ORC3: variants seen among roughly 807,000 people sequenced by gnomAD.
The protein encoded by ORC3 is origin recognition complex subunit 3.
In ORC3, 78 loss-of-function variants were observed where a neutral mutation model predicts 100.7. That is an observed-to-expected ratio of 0.77 (90% confidence interval 0.65 to 0.94). ORC3 has a LOEUF of 0.94. Ranked by LOEUF, ORC3 falls within the 40% of genes least tolerant of loss-of-function variation. ORC3 has a pLI of 0.00. For missense variants in ORC3, 789 were observed against 823.9 expected (o/e 0.96, Z 0.52); for synonymous variants, 295 against 289.3 (o/e 1.02, Z -0.20).
intron 13 of ORC3, among the ~76,000 whole-genome samples, chr6:87,643,427 CG>C (rs892244525): frequency 3.4e-4 from 49 of 144,324 alleles, no homozygotes; most frequent in African/African-American, 1.1e-3. Flanking sequence ...AAAAAAAAAG[CG>C]GGGAGGGGGA....
In ORC3 at chr6:87,665,818, T is replaced by C; in HGVS notation, c.2015T>C (p.Met672Thr). 1.2e-6 allele frequency: 2 copies of C among 1,605,268 alleles called. No individual in the cohort carries two copies. The highest frequency in any genetic ancestry group is 1.3e-5 in the African/African-American group (1 of 74,882). Residue 672 changes from methionine (M) to threonine (T), a missense_variant, in exon 19 of 20, where the codon ATG (methionine) becomes ACG (threonine). This residue lies in a region of ORC3 where 366 missense variants were observed against 394.2 expected (regional missense o/e 0.93). Transcript: ENST00000392844. ...GCAAATTCTGCAACCTCAGAAGAAA[T>C]GAATGAAATTATCCAGTATCCTTTT... Reference protein sequence around the residue: ...MDANSATSEEMNEIIHARFIR... With the variant: ...MDANSATSEETNEIIHARFIR...
At chr6:87,646,529 C>T (rs940579001) in intron 13 of ORC3, among the ~76,000 whole-genome samples, 2 of 152,196 alleles carry the variant, frequency 1.3e-5, no homozygotes, top group African/African-American at 4.8e-5. Context: ...CTCCCATTCT[C>T]TTTAACTGAT....
intron 2 of ORC3, among the ~76,000 whole-genome samples, chr6:87,599,665 T>G (rs768063963): frequency 4.0e-4 from 61 of 151,772 alleles, no homozygotes; most frequent in Non-Finnish European, 6.6e-4. Context: ...CACGCTGGCC[T>G]GCTTTGTCTC....
At chr6:87,636,333 C>A in intron 12 of ORC3, 74 bp from the exon 13 acceptor site, 1 of 819,396 alleles carries the variant, frequency 1.2e-6, no homozygotes, top group Non-Finnish European at 2.1e-6. Flanking sequence ...TTTGTGTTGA[C>A]CAGAAATGAT....
At chr6:87,668,653 A>C (rs1770766827), downstream of ORC3, among the ~76,000 whole-genome samples, 2 of 151,994 alleles carry the variant, frequency 1.3e-5, no homozygotes, top group African/African-American at 4.8e-5. Flanking sequence ...GTAGCTGCTC[A>C]CCCTCCCCAC....
chr6:87,622,090 G>C, intron 11 of ORC3, 77 bp downstream of exon 11: 2 of 934,470 alleles, frequency 2.1e-6, no homozygotes, highest in Non-Finnish European at 3.4e-6. Flanking sequence ...CATTTATTGA[G>C]TTAATAAAAC....
chr6:87,615,969 A>C (rs567025283), intron 8 of ORC3, among the ~76,000 whole-genome samples: 1 of 152,276 alleles, frequency 6.6e-6, no homozygotes, highest in African/African-American at 2.4e-5. Flanking sequence ...CTCATCTGGT[A>C]ATAAGAATTG....
chr6:87,653,219 G>A lies in ORC3; in HGVS notation c.1486G>A (p.Glu496Lys). The change falls in exon 14 of 20, where the codon GAG (glutamate) becomes AAG (lysine). Residue 496 changes from glutamate (E) to lysine (K), a missense_variant. Transcript: ENST00000392844. Reference sequence around the variant, plus strand: ...TGGCAGCACAGCTAAGAGAATAGAGGAGTTCCTGGCCCAGTTTCAGAGCCT... The same window carrying A: ...TGGCAGCACAGCTAAGAGAATAGAGAAGTTCCTGGCCCAGTTTCAGAGCCT... ...HLGSTAKRIE[E>K]FLAQFQSLDE... 6.2e-7 allele frequency: 1 copy of A among 1,613,872 alleles called. No individual in the cohort carries two copies. The highest frequency in any genetic ancestry group is 8.5e-7 in the Non-Finnish European group (1 of 1,179,858).
the ORC3 span, among the ~76,000 whole-genome samples, chr6:87,676,596 AACACACACACACACAC>A: frequency 7.0e-6 from 1 of 142,046 alleles, no homozygotes; most frequent in Non-Finnish European, 1.5e-5. Context: ...CTCTACTAAA[AACACACACACACACAC>A]ACACACACAC....
chr6:87,647,413 C>T lies in ORC3; in HGVS notation c.1383-5703C>T, dbSNP rs1768885220. On this transcript the variant is annotated intron_variant, in intron 13 of 19. Coordinates refer to ENST00000392844, the MANE Select transcript of ORC3 (RefSeq NM_012381.4). ...AAAGCTCTTCTGGATATTTGTATGG[C>T]TAACTTCCTTTCCTCCTTTATGTAC... Among the ~76,000 whole-genome samples the T allele has an allele frequency of 2.6e-5, 4 of 152,196 alleles. No homozygotes were observed. The South Asian group carries it at 8.3e-4, about 31-fold the overall frequency.
intron 15 of ORC3, 106 bp downstream of exon 15, chr6:87,657,088 C>A: frequency 2.7e-6 from 2 of 750,956 alleles, no homozygotes; most frequent in Non-Finnish European, 2.3e-6. Context: ...ATTTTTAAAC[C>A]ACAACCAGGA....
At chr6:87,633,883 C>T (rs1289537403) in intron 11 of ORC3, among the ~76,000 whole-genome samples, 1 of 152,174 alleles carries the variant, frequency 6.6e-6, no homozygotes, top group Non-Finnish European at 1.5e-5. Flanking sequence ...TCAGGAGGCT[C>T]TAGAAAACCT....
intron 12 of ORC3, among the ~76,000 whole-genome samples, chr6:87,635,281 T>G (rs1168292594): frequency 6.6e-6 from 1 of 152,208 alleles, no homozygotes; most frequent in Non-Finnish European, 1.5e-5. Context: ...CTTCCCTTAA[T>G]GGAAGAAGGA....
At chr6:87,676,809 G>T in the ORC3 span, among the ~76,000 whole-genome samples, 4 of 151,008 alleles carry the variant, frequency 2.6e-5, no homozygotes, top group African/African-American at 7.3e-5. Flanking sequence ...GGGCATGGTG[G>T]CTTACGCCTG....
Position 87,663,122 on chromosome 6 carries a change from A to G in ORC3, c.1811A>G (p.Asn604Ser). The part of the protein sequence containing the change: ...APRIALHTAL[N>S]NPYYYLKNEA... ...CGAATTGCCCTCCATACTGCACTCAACAATCCTTACTATTATCTCAAGGTA... is the reference window on the plus strand; with the variant it reads ...CGAATTGCCCTCCATACTGCACTCAGCAATCCTTACTATTATCTCAAGGTA... The change falls in exon 17 of 20, where the codon AAC (asparagine) becomes AGC (serine). Residue 604 changes from asparagine to serine, a missense_variant. This residue lies in a region of ORC3 where 366 missense variants were observed against 394.2 expected (regional missense o/e 0.93). Transcript: ENST00000392844. The G allele has an allele frequency of 1.2e-6, 2 of 1,612,062 alleles. No individual in the cohort carries two copies. The highest frequency in any genetic ancestry group is 1.1e-5 in the South Asian group (1 of 90,896).
At chr6:87,613,494 C>G (rs1321939689) in intron 8 of ORC3, among the ~76,000 whole-genome samples, 2 of 152,140 alleles carry the variant, frequency 1.3e-5, no homozygotes, top group Non-Finnish European at 2.9e-5. Flanking sequence ...TCATGCCTTC[C>G]CAACAGTCCC....
intron 2 of ORC3, chr6:87,595,431 T>C (rs1340980913): frequency 6.6e-6 from 1 of 152,264 alleles, no homozygotes; most frequent in Admixed American, 6.5e-5. Context: ...ATTTGTGTTA[T>C]TATGGATTGT....
intron 13 of ORC3, chr6:87,651,002 C>T (rs764249029): frequency 4.4e-5 from 16 of 363,316 alleles, no homozygotes; most frequent in Middle Eastern, 8.8e-4. Flanking sequence ...AGCAAAACTG[C>T]GTCTCAAAGA....
At chr6:87,640,318 G>A (rs1768147801) in intron 13 of ORC3, among the ~76,000 whole-genome samples, 1 of 152,118 alleles carries the variant, frequency 6.6e-6, no homozygotes, top group African/African-American at 2.4e-5. Context: ...ATTTATTAGT[G>A]GAAAAAGACC....
Sources: gnomAD v4.1 joint callset for allele counts (sites outside exome capture counted in the v4.1 genomes callset) on GRCh38, gnomAD v4.1.1 for gene constraint, gnomAD v4.1.1 regional missense constraint, MANE v1.5 for transcripts, NCBI Gene and HGNC (gene_info 2026-07-23, HGNC 2026-07-21) for gene names.